MEF2C: variants seen among roughly 807,000 people sequenced by gnomAD.
MEF2C encodes the protein myocyte-specific enhancer factor 2C.
MEF2C carries 6 observed loss-of-function variants against 50.5 expected under a neutral mutation model. That is an observed-to-expected ratio of 0.12 (90% CI 0.07 to 0.23). The LOEUF (loss-of-function observed/expected upper bound fraction) is 0.23. MEF2C is among the 10% of genes least tolerant of loss of function. MEF2C has a pLI of 1.00. For synonymous variants in MEF2C, 183 were observed against 228.0 expected (o/e 0.80, Z 1.78); for missense variants, 276 against 605.0 (o/e 0.46, Z 5.70).
At chr5:88,882,899 T>G (rs1833393841) in intron 1 of MEF2C, 56 bp downstream of exon 1, 1 of 151,876 alleles carries the variant, frequency 6.6e-6, no homozygotes. Context: ...TTGATGCAGA[T>G]TTTAGAGACA....
intron 2 of MEF2C, among the ~76,000 whole-genome samples, chr5:88,805,932 C>T (rs1800248829): frequency 7.8e-6 from 1 of 128,242 alleles, no homozygotes; most frequent in African/African-American, 2.9e-5. Flanking sequence ...AACAGGTATT[C>T]ATTCTGTAGA....
At chr5:88,814,787 A>C (rs1804568756) in intron 2 of MEF2C, among the ~76,000 whole-genome samples, 2 of 152,130 alleles carry the variant, frequency 1.3e-5, no homozygotes. Flanking sequence ...TTTATTAACA[A>C]ACTCATAAAA....
chr5:88,902,723 A>G (rs1320079718), intron 1 of MEF2C, among the ~76,000 whole-genome samples: 1 of 151,864 alleles, frequency 6.6e-6, no homozygotes, highest in Non-Finnish European at 1.5e-5. Flanking sequence ...GAATAAAACA[A>G]TTGCCTCATA....
intron 5 of MEF2C, chr5:88,749,960 G>A (rs1771850623): frequency 6.4e-6 from 1 of 155,522 alleles, no homozygotes. Flanking sequence ...AACCTGGGAG[G>A]CAGAGCTTGC....
At chr5:88,901,565 A>G (rs916440222) in intron 1 of MEF2C, among the ~76,000 whole-genome samples, 2 of 150,852 alleles carry the variant, frequency 1.3e-5, no homozygotes, top group African/African-American at 4.9e-5. Context: ...ACTGTAAATA[A>G]GCTATCTGTA....
intron 1 of MEF2C, among the ~76,000 whole-genome samples, chr5:88,847,851 T>A (rs1246879182): frequency 6.6e-6 from 1 of 152,168 alleles, no homozygotes; most frequent in Non-Finnish European, 1.5e-5. Context: ...ATTTTGTTTA[T>A]CTCATTTATA....
In MEF2C at chr5:88,735,951, G is replaced by C. The variant is rs553208949; in HGVS notation, c.638-4050C>G. On this transcript the variant is annotated intron_variant, in intron 6 of 10. Transcript: ENST00000504921. ...GTTTCTTTTTCTTTTCTAGGACTTTGAATTATGAATACAAGCATATAAGAC... is the reference window on the plus strand; with the variant it reads ...GTTTCTTTTTCTTTTCTAGGACTTTCAATTATGAATACAAGCATATAAGAC... 25 of 985,188 alleles carry C rather than the reference G, an allele frequency of 2.5e-5. 1 individual carries two copies. In the South Asian group the frequency reaches 8.9e-4, roughly 35 times the overall value. The allele number at this position is 985,188 out of a possible 1,614,324, so 61.0% of individuals were successfully genotyped here.
At chr5:88,839,930 A>G (rs1051886947) in intron 1 of MEF2C, among the ~76,000 whole-genome samples, 5 of 152,226 alleles carry the variant, frequency 3.3e-5, no homozygotes, top group African/African-American at 1.2e-4. Flanking sequence ...AATCTTTATG[A>G]AAATGATAAA....
intron 1 of MEF2C, among the ~76,000 whole-genome samples, chr5:88,847,466 A>G (rs1819732828): frequency 6.6e-6 from 1 of 152,206 alleles, no homozygotes. Context: ...ATCAGAACTC[A>G]GCACTGATTT....
chr5:88,769,856 G>A (rs1781610868), intron 3 of MEF2C: 1 of 573,458 alleles, frequency 1.7e-6, no homozygotes, highest in Non-Finnish European at 2.2e-6. Context: ...ATGTTGTCCA[G>A]GCTGGTCTTG....
rs184839881 is a variant in MEF2C, at chr5:88,719,625, G to A, written c.*2979C>T. The A allele has an allele frequency of 2.6e-5, 4 of 152,260 alleles. No individual in the cohort carries two copies. In the East Asian group the frequency reaches 5.8e-4, roughly 22 times the overall value. 9.4% of individuals were successfully genotyped at this position (152,260 alleles called of 1,614,324 possible). On this transcript the variant is annotated 3_prime_UTR_variant, in exon 11 of 11. Transcript: ENST00000504921. ...GTCTGGAATACAAAGGATTTACTGT[G>A]ATTAAAAACCATACTAGCTTTGCAA... is the stretch of plus-strand genomic sequence containing the variant.
intron 1 of MEF2C, among the ~76,000 whole-genome samples, chr5:88,860,692 C>T (rs1283230776): frequency 2.6e-5 from 4 of 152,146 alleles, no homozygotes; most frequent in Non-Finnish European, 5.9e-5. Flanking sequence ...ACATAGCAAT[C>T]CTGCAAGACT....
At chr5:88,803,826 GA>G (rs1228575139) in intron 3 of MEF2C, among the ~76,000 whole-genome samples, 15 of 151,624 alleles carry the variant, frequency 9.9e-5, no homozygotes, top group East Asian at 1.9e-4. Context: ...AATAAAATGG[GA>G]AAAAAAATGT....
At chr5:88,747,461 G>C (rs1770402644) in intron 6 of MEF2C, among the ~76,000 whole-genome samples, 1 of 60,296 alleles carries the variant, frequency 1.7e-5, no homozygotes, top group African/African-American at 4.4e-5. Context: ...CCATTCTCCT[G>C]CCTCAGCCTC....
intron 1 of MEF2C, among the ~76,000 whole-genome samples, chr5:88,871,637 A>AT (rs911817150): frequency 1.8e-4 from 28 of 152,000 alleles, no homozygotes; most frequent in South Asian, 1.5e-3. Context: ...CCAAAATATG[A>AT]TTTTTTTTGA....
chr5:88,790,599 T>A (rs968590712), intron 3 of MEF2C, among the ~76,000 whole-genome samples: 1 of 152,230 alleles, frequency 6.6e-6, no homozygotes, highest in African/African-American at 2.4e-5. Context: ...ATACTTTTAC[T>A]TGGTTTCCTG....
intron 3 of MEF2C, among the ~76,000 whole-genome samples, chr5:88,794,693 G>T (rs1018597351): frequency 1.3e-5 from 2 of 152,162 alleles, no homozygotes; most frequent in African/African-American, 4.8e-5. Flanking sequence ...TGCTTTTGGT[G>T]TTTTAGTCAT....
At chr5:88,870,278 A>G (rs1014541744) in intron 1 of MEF2C, among the ~76,000 whole-genome samples, 1 of 152,094 alleles carries the variant, frequency 6.6e-6, no homozygotes, top group Admixed American at 6.6e-5. Context: ...TATGTTTGGA[A>G]GAAAGCTTTT....
At chr5:88,789,177 T>A (rs979492471) in intron 3 of MEF2C, among the ~76,000 whole-genome samples, 3 of 152,010 alleles carry the variant, frequency 2.0e-5, no homozygotes, top group African/African-American at 7.2e-5. Context: ...AATACTTTTT[T>A]TTTTTTTGAG....
Sources: allele counts gnomAD v4.1 joint callset (sites outside exome capture counted in the v4.1 genomes callset), GRCh38; gene constraint gnomAD v4.1.1; transcripts MANE v1.5; gene names NCBI Gene and HGNC (gene_info 2026-07-23, HGNC 2026-07-21).